KLHL5: variants seen among roughly 807,000 people sequenced by gnomAD.
KLHL5 encodes kelch like family member 5, also known as kelch-like protein 5.
In KLHL5, 48 loss-of-function variants were observed where a neutral mutation model predicts 77.7. The ratio of observed to expected loss-of-function variants is 0.62; its 90% CI spans 0.49 to 0.79. KLHL5 has a LOEUF of 0.79. Ranked by LOEUF, KLHL5 falls within the 30% of genes least tolerant of loss-of-function variation. KLHL5 has a pLI of 0.00. For synonymous variants in KLHL5, 260 were observed against 297.0 expected (o/e 0.88, Z 1.28); for missense variants, 723 against 859.7 (o/e 0.84, Z 1.99).
At chr4:39,140,094 G>T in the KLHL5 span, among the ~76,000 whole-genome samples, 1 of 152,034 alleles carries the variant, frequency 6.6e-6, no homozygotes, top group Non-Finnish European at 1.5e-5. Context: ...GGGTGTGGTG[G>T]TGCATGCCTG....
intron 8 of KLHL5, among the ~76,000 whole-genome samples, chr4:39,107,961 CATTTT>C (rs1045970746): frequency 2.6e-5 from 4 of 151,428 alleles, no homozygotes; most frequent in African/African-American, 9.7e-5. Context: ...TGAGTGAAGA[CATTTT>C]ATATTAATGT....
In KLHL5 at chr4:39,062,473, A is replaced by G. The variant is rs774766101; in HGVS notation, c.-180A>G. Reference sequence around the variant, plus strand: ...CTTTATTCATTATCCTTTGTTCTTTAAAATCTGATATATTGGCATAAAAGT... The same window carrying G: ...CTTTATTCATTATCCTTTGTTCTTTGAAATCTGATATATTGGCATAAAAGT... On this transcript the variant is annotated 5_prime_UTR_variant, in exon 1 of 11. Coordinates refer to ENST00000504108, the MANE Select transcript of KLHL5 (RefSeq NM_015990.5). 3 of 1,571,558 alleles carry G rather than the reference A, an allele frequency of 1.9e-6. No homozygotes were observed. Among genetic ancestry groups the G allele is most frequent in the Non-Finnish European group, 2.6e-6 (3 of 1,160,666 alleles).
downstream of KLHL5, chr4:39,126,907 G>A (rs1457881374): frequency 5.4e-6 from 2 of 367,180 alleles, no homozygotes; most frequent in Admixed American, 3.6e-5. Context: ...TGTGTCAGAA[G>A]TTACTGGGCA....
At chr4:39,109,033 C>T (rs1266043735) in intron 8 of KLHL5, among the ~76,000 whole-genome samples, 2 of 152,170 alleles carry the variant, frequency 1.3e-5, no homozygotes, top group East Asian at 3.9e-4. Flanking sequence ...GAATATAATT[C>T]AGAGACAACC....
intron 9 of KLHL5, among the ~76,000 whole-genome samples, chr4:39,114,811 A>G (rs1035933293): frequency 1.3e-5 from 2 of 152,176 alleles, no homozygotes; most frequent in Non-Finnish European, 1.5e-5. Flanking sequence ...AAAGAGCAAG[A>G]CAGCCCAAAA....
intron 9 of KLHL5, among the ~76,000 whole-genome samples, chr4:39,114,367 G>C (rs1391149202): frequency 2.0e-5 from 3 of 152,144 alleles, no homozygotes; most frequent in Non-Finnish European, 2.9e-5. Flanking sequence ...ATTCACACAA[G>C]AACTAACCAA....
intron 6 of KLHL5, among the ~76,000 whole-genome samples, chr4:39,102,548 A>G (rs1228016420): frequency 3.9e-5 from 6 of 151,908 alleles, no homozygotes; most frequent in Non-Finnish European, 8.8e-5. Flanking sequence ...TCTTCTGCCT[A>G]TGCCCTGGAT....
chr4:39,113,603 G>A (rs10030904), intron 9 of KLHL5, among the ~76,000 whole-genome samples: 1 of 152,028 alleles, frequency 6.6e-6, no homozygotes, highest in Non-Finnish European at 1.5e-5. Context: ...GCTTACAAAC[G>A]TAAGTCATCC....
Position 39,062,383 on chromosome 4 carries a change from A to G in KLHL5, c.-270A>G, listed in dbSNP as rs1717496842. The G allele has an allele frequency of 6.9e-7, 1 of 1,448,712 alleles. No homozygotes were observed. Among genetic ancestry groups the G allele is most frequent in the Admixed American group, 2.8e-5 (1 of 35,884 alleles). The allele number at this position is 1,448,712 out of a possible 1,614,324, so 89.7% of individuals were successfully genotyped here. A position where few individuals can be genotyped will look rare whatever the true frequency, so the allele number is the denominator to read the frequency against. On this transcript the variant is annotated 5_prime_UTR_variant, in exon 1 of 11. Transcript: ENST00000504108. ...GAAAGGAGAGCCGGGAAAGTGGTCT[A>G]GCTGCTTCAGGATAGGTGGATGAGA...
intron 5 of KLHL5, chr4:39,093,014 C>G (rs1720730864): frequency 2.3e-6 from 1 of 442,270 alleles, no homozygotes; most frequent in African/African-American, 2.0e-5. Context: ...TAATAATTAC[C>G]CAAGAGAAAT....
chr4:39,116,044 G>C, intron 10 of KLHL5: 1 of 985,444 alleles, frequency 1.0e-6, no homozygotes. Context: ...AGAAAACAAA[G>C]CTTCTAGGCC....
At chr4:39,092,593 GA>G (rs1720683710) in intron 5 of KLHL5, among the ~76,000 whole-genome samples, 5 of 152,028 alleles carry the variant, frequency 3.3e-5, no homozygotes. Context: ...TGCGTGCATA[GA>G]AAAAAATGTG....
Position 39,081,353 on chromosome 4 carries a change from C to A in KLHL5, c.703+114C>A. 1 of 737,254 alleles carries A rather than the reference C, an allele frequency of 1.4e-6. No individual in the cohort carries two copies. The highest frequency in any genetic ancestry group is 2.0e-6 in the Non-Finnish European group (1 of 491,290). The allele number at this position is 737,254 out of a possible 1,614,324, so 45.7% of individuals were successfully genotyped here. On this transcript the variant is annotated intron_variant, in intron 3 of 10. Coordinates refer to ENST00000504108, the MANE Select transcript of KLHL5 (RefSeq NM_015990.5). The surrounding 1 kb of genome is among the most constrained non-coding windows in gnomAD (Gnocchi z 4.3). ...AGCTAACAGTTAGTTCTGCTATTGT[C>A]ATTACTACCCTTTGTATTTAACCTG... is the stretch of plus-strand genomic sequence containing the variant.
Position 39,113,057 on chromosome 4 carries a change from CTCAAA to C in KLHL5, c.1730_1734del (p.Lys577SerfsTer5), listed in dbSNP as rs1343538687. On this transcript the variant is annotated frameshift_variant, in exon 9 of 11. Coordinates refer to ENST00000504108, the MANE Select transcript of KLHL5 (RefSeq NM_015990.5). LOFTEE classifies it high-confidence loss of function. ...TGGTGGTCGTGATGGAAGTTCTTGT[CTCAAA>C]TCAGTAGAATGTTTTGATCCTCATA... The C allele has an allele frequency of 1.1e-5, 18 of 1,613,652 alleles. No homozygotes were observed. Among genetic ancestry groups the C allele is most frequent in the Non-Finnish European group, 1.4e-5 (16 of 1,179,914 alleles).
chr4:39,123,095 C>T lies in KLHL5; in HGVS notation c.*2029C>T, dbSNP rs954499612. Among the ~76,000 whole-genome samples the T allele has an allele frequency of 6.6e-6, 1 of 152,044 alleles. No individual in the cohort carries two copies. Among genetic ancestry groups the T allele is most frequent in the African/African-American group, 2.4e-5 (1 of 41,410 alleles). On this transcript the variant is annotated 3_prime_UTR_variant, in exon 11 of 11. Transcript: ENST00000504108. Reference sequence around the variant, plus strand: ...CAACTTAACTATAAACAAATTTATTCATAGAAGCATTGTTGCCAACAATTT... The same window carrying T: ...CAACTTAACTATAAACAAATTTATTTATAGAAGCATTGTTGCCAACAATTT...
intron 10 of KLHL5, among the ~76,000 whole-genome samples, chr4:39,119,546 T>C (rs540849906): frequency 2.6e-4 from 40 of 152,222 alleles, no homozygotes; most frequent in Non-Finnish European, 4.4e-4. Flanking sequence ...AGATGTGCCA[T>C]TGCACTCCAG....
chr4:39,048,464 A>G (rs1425881588), intron 1 of KLHL5, among the ~76,000 whole-genome samples: 2 of 152,128 alleles, frequency 1.3e-5, no homozygotes, highest in Non-Finnish European at 2.9e-5. Context: ...AAGAACTCTC[A>G]CATCCTGTTG....
chr4:39,045,290 C>T (rs564928439), intron 1 of KLHL5, among the ~76,000 whole-genome samples: 1 of 150,398 alleles, frequency 6.6e-6, no homozygotes, highest in African/African-American at 2.4e-5. Context: ...CTCCGCACAC[C>T]GCGCCCGGGG....
chr4:39,076,200 A>T (rs982501584), intron 2 of KLHL5, 53 bp downstream of exon 2: 2 of 1,502,042 alleles, frequency 1.3e-6, no homozygotes, highest in Admixed American at 2.1e-5. Flanking sequence ...GGTAATTTAG[A>T]TATGTATATT....
Sources: gnomAD v4.1 joint callset for allele counts (sites outside exome capture counted in the v4.1 genomes callset) on GRCh38, gnomAD v4.1.1 for gene constraint, Gnocchi (gnomAD v3.1) non-coding constraint, MANE v1.5 for transcripts, NCBI Gene and HGNC (gene_info 2026-07-23, HGNC 2026-07-21) for gene names.